The following IGFBP6 variants were observed in gnomAD, a reference collection of about 807,000 sequenced individuals.
IGFBP6 encodes insulin-like growth factor-binding protein 6.
A neutral mutation model predicts 24.5 loss-of-function variants in IGFBP6; 24 were observed. The observed-to-expected ratio is 0.98, with a 90% confidence interval of 0.71 to 1.38. The LOEUF is 1.38. Ranked by LOEUF, IGFBP6 falls within the 40% of genes most tolerant of loss-of-function variation. IGFBP6 has a pLI of 0.00. For synonymous variants in IGFBP6, 147 were observed against 137.4 expected, an observed-to-expected ratio of 1.07 and a Z score of -0.49; for missense variants, 331 against 324.8, an observed-to-expected ratio of 1.02 and a Z score of -0.15.
rs1257093427 is a variant in IGFBP6 at position 53,097,840 on chromosome 12, A to AG, written c.128dup (p.Cys44LeufsTer18). The stretch of plus-strand genomic sequence containing the variant: ...GGCAAGGGGTGCAGGCGGGTTGTCC[A>AG]GGGGGCTGCGTGGAGGAGGAGGATG... On this transcript the variant is annotated frameshift_variant, in exon 1 of 4. Transcript: ENST00000301464. LOFTEE classifies it high-confidence loss of function. 1 of 1,532,594 alleles carries AG rather than the reference A, an allele frequency of 6.5e-7. No individual in the cohort carries two copies. Among genetic ancestry groups the AG allele is most frequent in the Non-Finnish European group, 8.8e-7 (1 of 1,142,038 alleles). 94.9% of individuals were successfully genotyped at this position (1,532,594 alleles called of 1,614,324 possible).
chr12:53,101,838 G>T (rs1460959181), intron 3 of IGFBP6, among the ~76,000 whole-genome samples: 2 of 141,948 alleles, frequency 1.4e-5, no homozygotes, highest in African/African-American at 2.6e-5. Context: ...GGTGGAGGTT[G>T]CAGTGAGCAG....
In IGFBP6 at chr12:53,100,759, C is replaced by A; in HGVS notation, c.382C>A (p.Arg128Ser). The change falls in exon 2 of 4, where the codon CGC (arginine) becomes AGC (serine). Residue 128 changes from arginine (R) to serine (S), a missense_variant. By Grantham distance (110) the Arg-to-Ser change is moderately radical. Transcript: ENST00000301464. ...KESKPQAGTA[R>S]PQDVNRRDQQ... ...GAGTAAACCCCAAGCAGGCACTGCC[C>A]GCCCACAGGATGTGAACCGCAGAGA... 2 of 1,614,150 alleles carry A rather than the reference C, an allele frequency of 1.2e-6. No homozygotes were observed. Among genetic ancestry groups the A allele is most frequent in the Non-Finnish European group, 1.7e-6 (2 of 1,180,002 alleles).
Position 53,102,290 on chromosome 12 carries a change from G to A in IGFBP6, c.*123G>A. ...CCCCATGGGCCCCTCACCGCTGGTT[G>A]GAAAGAGTGTTGGTGTTGGCTGGGG... On this transcript the variant is annotated 3_prime_UTR_variant, in exon 4 of 4. Coordinates refer to ENST00000301464, the MANE Select transcript of IGFBP6 (RefSeq NM_002178.3). 1 of 1,137,580 alleles carries A rather than the reference G, an allele frequency of 8.8e-7. No homozygotes were observed. The highest frequency in any genetic ancestry group is 1.2e-6 in the Non-Finnish European group (1 of 810,276). The allele number at this position is 1,137,580 out of a possible 1,614,324, so 70.5% of individuals were successfully genotyped here.
chr12:53,097,970 C>A lies in IGFBP6; in HGVS notation c.253C>A (p.His85Asn). 6.6e-7 allele frequency: 1 copy of A among 1,517,686 alleles called. No homozygotes were observed. Among genetic ancestry groups the A allele is most frequent in the Admixed American group, 2.1e-5 (1 of 48,218 alleles). 94.0% of individuals were successfully genotyped at this position (1,517,686 alleles called of 1,614,324 possible). Reference sequence around the variant, plus strand: ...TAACTGCGCCCCAGGACTGCAGTGCCATCCGCCCAAGGACGACGAGGCGCC... The same window carrying A: ...TAACTGCGCCCCAGGACTGCAGTGCAATCCGCCCAAGGACGACGAGGCGCC... ...TPNCAPGLQC[H>N]PPKDDEAPLR... The change falls in exon 1 of 4, where the codon CAT becomes AAT. Residue 85 changes from histidine to asparagine, a missense_variant. Coordinates refer to ENST00000301464, the MANE Select transcript of IGFBP6 (RefSeq NM_002178.3).
At position 53,102,281 on chromosome 12, in the gene IGFBP6, CCG is replaced by C; in HGVS notation, c.*116_*117del. On this transcript the variant is annotated 3_prime_UTR_variant, in exon 4 of 4. Coordinates refer to ENST00000301464, the MANE Select transcript of IGFBP6 (RefSeq NM_002178.3). ...CAGGCCCCGCCCCATGGGCCCCTCACCGCTGGTTGGAAAGAGTGTTGGTGTTG... is the reference window on the plus strand; with the variant it reads ...CAGGCCCCGCCCCATGGGCCCCTCACCTGGTTGGAAAGAGTGTTGGTGTTG... 2 of 1,221,226 alleles carry C rather than the reference CCG, an allele frequency of 1.6e-6. No homozygotes were observed. The highest frequency in any genetic ancestry group is 2.3e-6 in the Non-Finnish European group (2 of 880,530). The allele number at this position is 1,221,226 out of a possible 1,614,324, so 75.6% of individuals were successfully genotyped here.
At chr12:53,101,898 CAAAAAAAA>C (rs57771658) in intron 3 of IGFBP6, 139 bp from the exon 4 acceptor site, 43 of 199,412 alleles carry the variant, frequency 2.2e-4, no homozygotes, top group African/African-American at 5.4e-4. Flanking sequence ...GACTCCATCT[CAAAAAAAA>C]AAAAAAAAAA....
rs1168344149 is a variant in IGFBP6 at position 53,100,627 on chromosome 12, T to C, written c.335-85T>C. ...GCGGGGCATAAGGCCCTCCCTTCCT[T>C]ACTTCAGCAGGTGATGTGGGCAAGG... On this transcript the variant is annotated intron_variant, in intron 1 of 3. Transcript: ENST00000301464. The C allele has an allele frequency of 5.1e-6, 7 of 1,382,030 alleles. No homozygotes were observed. The African/African-American group carries it at 1.0e-4, about 20-fold the overall frequency. 85.6% of individuals were successfully genotyped at this position (1,382,030 alleles called of 1,614,324 possible).
In IGFBP6 at chr12:53,102,222, A is replaced by C; in HGVS notation, c.*55A>C. ...CTGGAAGGAACATGGAGCTGTCATC[A>C]CTCAACAAAAAACCGAGGCCCTCAA... On this transcript the variant is annotated 3_prime_UTR_variant, in exon 4 of 4. Transcript: ENST00000301464. The C allele has an allele frequency of 6.3e-7, 1 of 1,599,722 alleles. No homozygotes were observed. Among genetic ancestry groups the C allele is most frequent in the Non-Finnish European group, 8.5e-7 (1 of 1,173,562 alleles).
At position 53,097,748 on chromosome 12, in the gene IGFBP6, C is replaced by A; in HGVS notation, c.31C>A (p.Leu11Met). The A allele has an allele frequency of 6.5e-7, 1 of 1,545,622 alleles. No individual in the cohort carries two copies. The change falls in exon 1 of 4, where the codon CTG becomes ATG. Residue 11 changes from leucine to methionine, a missense_variant. Coordinates refer to ENST00000301464, the MANE Select transcript of IGFBP6 (RefSeq NM_002178.3). ...CCCCCACAGGCTGCTGCCACCGCTG[C>A]TGCTGCTGCTAGCTCTGCTGCTCGC... is the stretch of plus-strand genomic sequence containing the variant. MTPHRLLPPLLLLLALLLAAS... is the reference protein window; with the variant it reads MTPHRLLPPLMLLLALLLAAS...
chr12:53,099,398 G>T, intron 1 of IGFBP6: 1 of 446,368 alleles, frequency 2.2e-6, no homozygotes, highest in Admixed American at 2.4e-5. Flanking sequence ...GAATCCATGT[G>T]CTCCTGGGAC....
At chr12:53,098,150 G>A (rs920811372) in intron 1 of IGFBP6, 99 bp downstream of exon 1, 67 of 1,304,274 alleles carry the variant, frequency 5.1e-5, no homozygotes, top group Non-Finnish European at 6.6e-5. Context: ...AAGCCTTTCC[G>A]CCCTGGCCCT....
chr12:53,100,586 C>A, intron 1 of IGFBP6, 126 bp from the exon 2 acceptor site: 1 of 810,520 alleles, frequency 1.2e-6, no homozygotes, highest in Non-Finnish European at 2.0e-6. Context: ...GAAACTAGGG[C>A]CAGCATCATG....
At chr12:53,098,180 G>GT in intron 1 of IGFBP6, 129 bp downstream of exon 1, 1 of 1,136,920 alleles carries the variant, frequency 8.8e-7, no homozygotes, top group Non-Finnish European at 1.2e-6. Flanking sequence ...CGACTTTGGG[G>GT]GGCACATTTG....
At position 53,098,035 on chromosome 12, in the gene IGFBP6, G is replaced by C. The variant is rs908173194; in HGVS notation, c.318G>C (p.Pro106=). 5.4e-6 allele frequency: 8 copies of C among 1,468,442 alleles called. No homozygotes were observed. The African/African-American group carries it at 8.9e-5, about 16-fold the overall frequency. 91.0% of individuals were successfully genotyped at this position (1,468,442 alleles called of 1,614,324 possible). A position where few individuals can be genotyped will look rare whatever the true frequency, so the allele number is the denominator to read the frequency against. ...ALLLGRGRCL[P]ARAPAVAEEN... Reference sequence around the variant, plus strand: ...TGCTCGGCCGAGGCCGCTGCCTTCCGGCCCGCGCGCCTGCTGGTGAGTCCG... The same window carrying C: ...TGCTCGGCCGAGGCCGCTGCCTTCCCGCCCGCGCGCCTGCTGGTGAGTCCG... Residue 106 remains proline, a synonymous_variant, in exon 1 of 4, where the codon CCG becomes CCC. Transcript: ENST00000301464.
Position 53,098,464 on chromosome 12 carries a change from A to C in IGFBP6, c.334+413A>C, listed in dbSNP as rs114258415. Among the ~76,000 whole-genome samples, 563 of 152,296 alleles carry C rather than the reference A, an allele frequency of 3.7e-3. 8 individuals carry two copies. Among genetic ancestry groups the C allele is most frequent in the Middle Eastern group, 0.014 (4 of 294 alleles). ...TTGTTCTCAGCTTCCACTTGGAGAA[A>C]AGGGGAGGGGAACCCCAGACTCTGA... is the stretch of plus-strand genomic sequence containing the variant. On this transcript the variant is annotated intron_variant, in intron 1 of 3. Coordinates refer to ENST00000301464, the MANE Select transcript of IGFBP6 (RefSeq NM_002178.3).
chr12:53,101,980 T>G, intron 3 of IGFBP6, 65 bp from the exon 4 acceptor site: 1 of 1,494,828 alleles, frequency 6.7e-7, no homozygotes. Flanking sequence ...GACTCAGATG[T>G]CCCCTCTCAT....
chr12:53,098,015 GGCCGAGGCCGCT>G lies in IGFBP6; in HGVS notation c.302_313del (p.Arg101_Cys104del). Reference sequence around the variant, plus strand: ...GGCGCCTTTGCGGGCGCTGCTGCTCGGCCGAGGCCGCTGCCTTCCGGCCCGCGCGCCTGCTGG... The same window carrying G: ...GGCGCCTTTGCGGGCGCTGCTGCTCGGCCTTCCGGCCCGCGCGCCTGCTGG... On this transcript the variant is annotated inframe_deletion, in exon 1 of 4. Transcript: ENST00000301464. 6.7e-7 allele frequency: 1 copy of G among 1,501,930 alleles called. No homozygotes were observed. The allele number at this position is 1,501,930 out of a possible 1,614,324, so 93.0% of individuals were successfully genotyped here.
chr12:53,098,588 G>A (rs936023795), intron 1 of IGFBP6, among the ~76,000 whole-genome samples: 2 of 152,212 alleles, frequency 1.3e-5, no homozygotes, highest in African/African-American at 2.4e-5. Context: ...CCCAAATCCA[G>A]GGTTGTATTA....
chr12:53,102,204 G>A lies in IGFBP6; in HGVS notation c.*37G>A, dbSNP rs768785338. On this transcript the variant is annotated 3_prime_UTR_variant, in exon 4 of 4. Coordinates refer to ENST00000301464, the MANE Select transcript of IGFBP6 (RefSeq NM_002178.3). ...AGAGGGGCTGCAGGGCCACTGGAAG[G>A]AACATGGAGCTGTCATCACTCAACA... is the stretch of plus-strand genomic sequence containing the variant. The A allele has an allele frequency of 6.2e-6, 10 of 1,610,854 alleles. No homozygotes were observed. Among genetic ancestry groups the A allele is most frequent in the Non-Finnish European group, 5.9e-6 (7 of 1,178,788 alleles).
Sources: allele counts gnomAD v4.1 joint callset (sites outside exome capture counted in the v4.1 genomes callset), GRCh38; gene constraint gnomAD v4.1.1; transcripts MANE v1.5; gene names NCBI Gene and HGNC (gene_info 2026-07-23, HGNC 2026-07-21).